UGGT1: variants seen among roughly 807,000 people sequenced by gnomAD.
UGGT1 encodes the protein UDP-glucose glycoprotein glucosyltransferase 1, also known as UDP-glucose:glycoprotein glucosyltransferase 1.
Under a neutral mutation model 203.9 loss-of-function variants are expected in UGGT1, and 107 were observed. The ratio of observed to expected loss-of-function variants is 0.52; its 90% CI spans 0.45 to 0.62. The LOEUF (loss-of-function observed/expected upper bound fraction) is 0.62. Among genes scored for constraint, UGGT1 ranks in the 20% least tolerant of loss-of-function variants. The pLI is 0.00. For missense variants in UGGT1, 1,673 were observed against 1,867.2 expected, an observed-to-expected ratio of 0.90 and a Z score of 1.92; for synonymous variants, 628 against 653.5, an observed-to-expected ratio of 0.96 and a Z score of 0.59.
At chr2:128,176,107 T>A (rs573778356) in intron 31 of UGGT1, among the ~76,000 whole-genome samples, 9 of 152,112 alleles carry the variant, frequency 5.9e-5, no homozygotes, top group Non-Finnish European at 1.2e-4. Flanking sequence ...TACAACACTA[T>A]TCCAGTTAAA....
intron 7 of UGGT1, among the ~76,000 whole-genome samples, chr2:128,115,862 T>G (rs2105375525): frequency 6.6e-6 from 1 of 152,312 alleles, no homozygotes; most frequent in East Asian, 1.9e-4. Flanking sequence ...CATTCTATTT[T>G]CTTCAATAAT....
Position 128,181,208 on chromosome 2 carries a change from T to G in UGGT1, c.4083+136T>G, listed in dbSNP as rs1691673597. ...AGAAAATATGAAAATATGTATCACA[T>G]AGATGTCATCACTTTTTAAATTTGC... On this transcript the variant is annotated intron_variant, in intron 36 of 40. Coordinates refer to ENST00000259253, the MANE Select transcript of UGGT1 (RefSeq NM_020120.4). The G allele has an allele frequency of 6.2e-6, 5 of 811,358 alleles. No individual in the cohort carries two copies. In the East Asian group the frequency reaches 1.3e-4, roughly 21 times the overall value. 50.3% of individuals were successfully genotyped at this position (811,358 alleles called of 1,614,324 possible).
chr2:128,183,893 C>A, intron 38 of UGGT1, 104 bp downstream of exon 38: 4 of 675,258 alleles, frequency 5.9e-6, no homozygotes, highest in Non-Finnish European at 4.9e-6. Flanking sequence ...CACAGGATGG[C>A]GTCTTGTTTT....
chr2:128,094,545 G>A (rs1687017773), intron 1 of UGGT1, among the ~76,000 whole-genome samples: 1 of 152,032 alleles, frequency 6.6e-6, no homozygotes, highest in Admixed American at 6.6e-5. Context: ...AAGGGCCTGG[G>A]AAGTTAGGTA....
chr2:128,171,915 T>C (rs762198058), intron 28 of UGGT1, among the ~76,000 whole-genome samples: 2 of 152,184 alleles, frequency 1.3e-5, no homozygotes, highest in African/African-American at 2.4e-5. Context: ...GAATGGTCAT[T>C]TATGAAAAAA....
chr2:128,136,603 A>G (rs757121806), intron 15 of UGGT1, among the ~76,000 whole-genome samples: 1 of 152,218 alleles, frequency 6.6e-6, no homozygotes, highest in Non-Finnish European at 1.5e-5. Context: ...TTATTTATCC[A>G]TTCACTTAAT....
intron 1 of UGGT1, among the ~76,000 whole-genome samples, chr2:128,096,587 TCTC>T (rs1687127135): frequency 1.3e-5 from 2 of 152,174 alleles, no homozygotes; most frequent in African/African-American, 2.4e-5. Flanking sequence ...TGTCCAGATT[TCTC>T]CTCTTTATAA....
chr2:128,192,804 A>T lies in UGGT1; in HGVS notation c.*3062A>T, dbSNP rs1692330714. 6.6e-6 allele frequency: 1 copy of T among 152,030 alleles called. No homozygotes were observed. The highest frequency in any genetic ancestry group is 2.1e-4 in the South Asian group (1 of 4,828). 9.4% of individuals were successfully genotyped at this position (152,030 alleles called of 1,614,324 possible). ...TACATCTGTCATTGTTGCATTTCGA[A>T]TTGAACACATAGATGCTTGCCTGTC... is the stretch of plus-strand genomic sequence containing the variant. On this transcript the variant is annotated 3_prime_UTR_variant, in exon 41 of 41. Coordinates refer to ENST00000259253, the MANE Select transcript of UGGT1 (RefSeq NM_020120.4).
intron 8 of UGGT1, among the ~76,000 whole-genome samples, chr2:128,119,539 C>T (rs1011600302): frequency 5.3e-5 from 8 of 152,216 alleles, no homozygotes; most frequent in African/African-American, 1.9e-4. Flanking sequence ...CAGATCACCT[C>T]TGCTTTACTA....
intron 18 of UGGT1, among the ~76,000 whole-genome samples, chr2:128,147,612 T>A (rs1017421960): frequency 6.8e-6 from 1 of 146,226 alleles, no homozygotes; most frequent in Admixed American, 6.8e-5. Context: ...TCTGCATGTC[T>A]TTTTTTTTTT....
At chr2:128,121,854 C>T (rs925155208) in intron 10 of UGGT1, among the ~76,000 whole-genome samples, 8 of 152,290 alleles carry the variant, frequency 5.3e-5, no homozygotes, top group African/African-American at 1.9e-4. Flanking sequence ...GTGACCTTTG[C>T]AAATAAACAA....
intron 29 of UGGT1, among the ~76,000 whole-genome samples, chr2:128,173,189 TGCTGTA>T (rs1314938488): frequency 2.0e-5 from 3 of 152,256 alleles, no homozygotes. Flanking sequence ...GATCCATCCA[TGCTGTA>T]GTATGTATCG....
At chr2:128,127,337 C>A in intron 11 of UGGT1, 24 bp from the exon 12 acceptor site, 1 of 1,548,892 alleles carries the variant, frequency 6.5e-7, no homozygotes, top group South Asian at 1.1e-5. Context: ...TCACAGCTCC[C>A]TAATAATTAT....
intron 7 of UGGT1, among the ~76,000 whole-genome samples, chr2:128,115,683 G>A (rs950948906): frequency 6.6e-6 from 1 of 152,068 alleles, no homozygotes; most frequent in Non-Finnish European, 1.5e-5. Flanking sequence ...TATTATTTCT[G>A]TACATGGAAC....
rs540010863 is a variant in UGGT1 at position 128,141,448 on chromosome 2, A to T, written c.1720-1646A>T. Among the ~76,000 whole-genome samples, 18 of 151,946 alleles carry T rather than the reference A, an allele frequency of 1.2e-4. No homozygotes were observed. In the East Asian group the frequency reaches 3.3e-3, roughly 28 times the overall value. On this transcript the variant is annotated intron_variant, in intron 16 of 40. Coordinates refer to ENST00000259253, the MANE Select transcript of UGGT1 (RefSeq NM_020120.4). ...GTGAAACCTGTCTCTATTAAAAATTAAAAAAAATTAAATGGGCGTGGTGGC... is the reference window on the plus strand; with the variant it reads ...GTGAAACCTGTCTCTATTAAAAATTTAAAAAAATTAAATGGGCGTGGTGGC...
intron 22 of UGGT1, among the ~76,000 whole-genome samples, chr2:128,157,552 A>G (rs1238468400): frequency 6.6e-6 from 1 of 152,160 alleles, no homozygotes; most frequent in Non-Finnish European, 1.5e-5. Flanking sequence ...GTTGAACGGG[A>G]TAGATTCTTA....
intron 11 of UGGT1, among the ~76,000 whole-genome samples, chr2:128,125,675 C>T (rs1220079442): frequency 1.3e-5 from 2 of 152,090 alleles, no homozygotes; most frequent in Non-Finnish European, 2.9e-5. Flanking sequence ...CTATCTTTAC[C>T]CCAAATTTCC....
chr2:128,169,239 C>T (rs1690968226), intron 26 of UGGT1, among the ~76,000 whole-genome samples: 1 of 151,898 alleles, frequency 6.6e-6, no homozygotes, highest in South Asian at 2.1e-4. Flanking sequence ...GGCATGGTGG[C>T]ATGTGTCTGT....
chr2:128,170,252 C>A, intron 26 of UGGT1, 36 bp from the exon 27 acceptor site: 1 of 1,590,034 alleles, frequency 6.3e-7, no homozygotes, highest in South Asian at 1.1e-5. Context: ...TTTCCTGTGT[C>A]CTCCAGGTTA....
Sources: gnomAD v4.1 joint callset for allele counts (sites outside exome capture counted in the v4.1 genomes callset) on GRCh38, gnomAD v4.1.1 for gene constraint, MANE v1.5 for transcripts, NCBI Gene and HGNC (gene_info 2026-07-23, HGNC 2026-07-21) for gene names.